ATP2C1: variants seen among roughly 807,000 people sequenced by gnomAD.
ATP2C1 encodes calcium-transporting ATPase type 2C member 1.
In ATP2C1, 31 loss-of-function variants were observed where a neutral mutation model predicts 120.5. That is an observed-to-expected ratio of 0.26 (90% confidence interval 0.19 to 0.35). The LOEUF is 0.35. ATP2C1 is among the 10% of genes least tolerant of loss of function. ATP2C1 has a pLI of 1.00. For missense variants in ATP2C1, 731 were observed against 1,107.5 expected (o/e 0.66, Z 4.83); for synonymous variants, 351 against 358.7 (o/e 0.98, Z 0.24).
At chr3:131,004,640 AAT>A (rs1212998851), downstream of ATP2C1, among the ~76,000 whole-genome samples, 1 of 152,228 alleles carries the variant, frequency 6.6e-6, no homozygotes, top group Non-Finnish European at 1.5e-5. Context: ...GAAGTAGAGA[AAT>A]AACTTCATGG....
intron 17 of ATP2C1, among the ~76,000 whole-genome samples, chr3:130,972,940 C>T (rs1314695657): frequency 1.3e-5 from 2 of 151,490 alleles, no homozygotes; most frequent in Admixed American, 6.6e-5. Context: ...AAGGTAGTGG[C>T]AGATGCTGAA....
chr3:131,014,774 C>T (rs2063515729), intron 26 of ATP2C1, among the ~76,000 whole-genome samples: 1 of 152,150 alleles, frequency 6.6e-6, no homozygotes, highest in Non-Finnish European at 1.5e-5. Context: ...TTTGCAAGGT[C>T]ATTCACTGAG....
chr3:130,992,598 A>G (rs567198422), intron 20 of ATP2C1, among the ~76,000 whole-genome samples: 9 of 152,294 alleles, frequency 5.9e-5, no homozygotes, highest in Admixed American at 3.9e-4. Context: ...GGAAAAGGCT[A>G]TTTTAGTTGT....
intron 26 of ATP2C1, chr3:131,014,268 G>T: frequency 6.2e-7 from 1 of 1,614,006 alleles, no homozygotes; most frequent in South Asian, 1.1e-5. Context: ...TGACCTTGTG[G>T]CATTGAATAG....
chr3:130,892,295 C>T (rs140401509), upstream of ATP2C1, among the ~76,000 whole-genome samples: 738 of 152,230 alleles, frequency 4.8e-3, 9 homozygotes, highest in African/African-American at 0.017. Context: ...ACCTTAGGTG[C>T]TTTTGTTTTT....
intron 18 of ATP2C1, among the ~76,000 whole-genome samples, chr3:130,977,263 CTT>C (rs2061565821): frequency 6.6e-6 from 1 of 152,114 alleles, no homozygotes; most frequent in African/African-American, 2.4e-5. Flanking sequence ...GATTCTGGGG[CTT>C]TGACCCTTTC....
At chr3:130,884,061 C>G (rs1211965490) in intron 1 of ATP2C1, among the ~76,000 whole-genome samples, 1 of 151,642 alleles carries the variant, frequency 6.6e-6, no homozygotes, top group Non-Finnish European at 1.5e-5. Context: ...CCCACCTCAG[C>G]CTCCCGAGTA....
Position 130,941,706 on chromosome 3 carries a change from T to G in ATP2C1, c.531+7T>G, listed in dbSNP as rs1559952961. The G allele has an allele frequency of 1.2e-6, 2 of 1,603,396 alleles. No individual in the cohort carries two copies. The highest frequency in any genetic ancestry group is 1.7e-6 in the Non-Finnish European group (2 of 1,170,220). ...TGACTTACGCTTGTTTGAGGTAAAT[T>G]TGGGATCTGATTGTAATAAGTGAAA... On this transcript the variant is annotated splice_region_variant and intron_variant, in intron 8 of 27. Coordinates refer to ENST00000510168, the MANE Select transcript of ATP2C1 (RefSeq NM_001378687.1).
intron 8 of ATP2C1, among the ~76,000 whole-genome samples, chr3:130,945,139 T>G (rs978118078): frequency 2.0e-5 from 3 of 152,146 alleles, no homozygotes; most frequent in Non-Finnish European, 4.4e-5. Flanking sequence ...GAGGCACTGA[T>G]GGAGCTAGGA....
chr3:130,949,694 T>TA (rs1476603624), intron 8 of ATP2C1, among the ~76,000 whole-genome samples: 1 of 152,214 alleles, frequency 6.6e-6, no homozygotes, highest in East Asian at 1.9e-4. Context: ...TACCACGGGA[T>TA]AAAATTAATT....
intron 8 of ATP2C1, among the ~76,000 whole-genome samples, chr3:130,944,149 C>T (rs1559955988): frequency 6.6e-6 from 1 of 152,210 alleles, no homozygotes; most frequent in Non-Finnish European, 1.5e-5. Flanking sequence ...AGTTCTCTTA[C>T]AGACTAGGCC....
At chr3:130,917,059 AACTGTACTT>A (rs2058721654) in intron 2 of ATP2C1, among the ~76,000 whole-genome samples, 1 of 152,206 alleles carries the variant, frequency 6.6e-6, no homozygotes, top group Non-Finnish European at 1.5e-5. Context: ...ATTCAGTAGA[AACTGTACTT>A]CTGTTCTTCA....
chr3:130,995,075 C>T (rs1247621540), intron 22 of ATP2C1, among the ~76,000 whole-genome samples: 1 of 152,066 alleles, frequency 6.6e-6, no homozygotes, highest in Non-Finnish European at 1.5e-5. Flanking sequence ...AACCTTTACT[C>T]TGCATTTTGT....
At chr3:130,936,953 T>A (rs966397419) in intron 5 of ATP2C1, among the ~76,000 whole-genome samples, 3 of 152,058 alleles carry the variant, frequency 2.0e-5, no homozygotes, top group African/African-American at 7.2e-5. Context: ...GTAAATGGAA[T>A]ACTAGCTTTC....
intron 2 of ATP2C1, among the ~76,000 whole-genome samples, chr3:130,907,214 A>T (rs1395698423): frequency 6.6e-6 from 1 of 152,038 alleles, no homozygotes; most frequent in African/African-American, 2.4e-5. Context: ...ATTATCAGAG[A>T]TATGGTTTGT....
At chr3:130,856,166 A>G (rs1025715531) in intron 1 of ATP2C1, 1 of 152,198 alleles carries the variant, frequency 6.6e-6, no homozygotes, top group African/African-American at 2.4e-5. Context: ...TTTCCTTTCA[A>G]TGGCTTAAGA....
At chr3:131,015,732 T>A (rs568869867) in intron 26 of ATP2C1, among the ~76,000 whole-genome samples, 1 of 151,200 alleles carries the variant, frequency 6.6e-6, no homozygotes, top group African/African-American at 2.4e-5. Context: ...TAAAAAAAAA[T>A]AGAGTAACAG....
At chr3:130,940,735 A>T (rs776959685) in intron 7 of ATP2C1, 44 bp downstream of exon 7, 1 of 1,457,238 alleles carries the variant, frequency 6.9e-7, no homozygotes. Flanking sequence ...CTTTAAAAAT[A>T]GAAGTTGAAT....
In ATP2C1 at chr3:130,930,059, A is replaced by C. The variant is rs1576761156; in HGVS notation, c.7-357A>C. 3 of 355,020 alleles carry C rather than the reference A, an allele frequency of 8.5e-6. No individual in the cohort carries two copies. In the East Asian group the frequency reaches 2.2e-4, roughly 26 times the overall value. The allele number at this position is 355,020 out of a possible 1,614,324, so 22.0% of individuals were successfully genotyped here. A position where few individuals can be genotyped will look rare whatever the true frequency, so the allele number is the denominator to read the frequency against. On this transcript the variant is annotated intron_variant, in intron 2 of 27. Transcript: ENST00000510168. Reference sequence around the variant, plus strand: ...TAGCTGTACTTTGTCTTGCATGTTAAACGTAATGAGTTTAGAGGATTATGA... The same window carrying C: ...TAGCTGTACTTTGTCTTGCATGTTACACGTAATGAGTTTAGAGGATTATGA...
Sources: allele counts gnomAD v4.1 joint callset (sites outside exome capture counted in the v4.1 genomes callset), GRCh38; gene constraint gnomAD v4.1.1; transcripts MANE v1.5; gene names NCBI Gene and HGNC (gene_info 2026-07-23, HGNC 2026-07-21).